Variants in PHF24 observed in about 807,000 individuals in gnomAD.
PHF24 encodes the protein Galpha inhibitory interacting protein.
PHF24 carries 25 observed loss-of-function variants against 42.6 expected under a neutral mutation model. The ratio of observed to expected loss-of-function variants is 0.59; its 90% CI spans 0.43 to 0.82. The LOEUF (loss-of-function observed/expected upper bound fraction) is 0.82, where lower values mean the gene tolerates loss of function less well. Among genes scored for constraint, PHF24 ranks in the 40% least tolerant of loss-of-function variants. PHF24 has a pLI of 0.00. For synonymous variants in PHF24, 185 were observed against 204.8 expected (o/e 0.90, Z 0.83); for missense variants, 470 against 538.1 (o/e 0.87, Z 1.25).
the PHF24 span, among the ~76,000 whole-genome samples, chr9:34,741,592 C>T: frequency 0.38 from 58,263 of 151,894 alleles, 13,242 homozygotes; most frequent in East Asian, 0.6. Context: ...GAACTCCCGA[C>T]CTCAGGTGAT....
the PHF24 span, among the ~76,000 whole-genome samples, chr9:34,866,912 A>G: frequency 6.6e-6 from 1 of 152,194 alleles, no homozygotes; most frequent in Non-Finnish European, 1.5e-5. Flanking sequence ...TCAGGAAAGC[A>G]TGGCCATCCT....
the PHF24 span, among the ~76,000 whole-genome samples, chr9:34,757,433 T>C: frequency 1.3e-5 from 2 of 152,136 alleles, no homozygotes; most frequent in Non-Finnish European, 2.9e-5. Context: ...CAGGGTATAG[T>C]TTGGGGTTTT....
At chr9:34,944,401 A>G in the PHF24 span, among the ~76,000 whole-genome samples, 1 of 152,180 alleles carries the variant, frequency 6.6e-6, no homozygotes, top group Non-Finnish European at 1.5e-5. Context: ...CAGGTCTATC[A>G]CTTCCTGGCC....
chr9:34,811,930 C>T, the PHF24 span, among the ~76,000 whole-genome samples: 5 of 152,206 alleles, frequency 3.3e-5, no homozygotes, highest in South Asian at 1.0e-3. Context: ...ATATAAAGAA[C>T]CCTACAACTC....
At chr9:34,875,948 ACACTCTCTCTCTCTCTCTCTCT>A in the PHF24 span, among the ~76,000 whole-genome samples, 1,853 of 79,934 alleles carry the variant, frequency 0.023, 20 homozygotes, top group Non-Finnish European at 0.032. Flanking sequence ...ACACACACAC[ACACTCTCTCTCTCTCTCTCTCT>A]CTCTCTCTCT....
chr9:34,838,558 T>G, the PHF24 span: 1 of 1,065,576 alleles, frequency 9.4e-7, no homozygotes, highest in South Asian at 1.5e-5. Flanking sequence ...TTCTGGTGCC[T>G]AATGACTCCC....
At chr9:34,927,720 T>C in the PHF24 span, among the ~76,000 whole-genome samples, 1 of 152,086 alleles carries the variant, frequency 6.6e-6, no homozygotes, top group Non-Finnish European at 1.5e-5. Flanking sequence ...CCCTCCTGGA[T>C]TTCTGATCAC....
chr9:34,783,418 C>A, the PHF24 span, among the ~76,000 whole-genome samples: 1 of 152,166 alleles, frequency 6.6e-6, no homozygotes, highest in Non-Finnish European at 1.5e-5. Context: ...CTTCACATCC[C>A]AAGACTTTGT....
the PHF24 span, among the ~76,000 whole-genome samples, chr9:34,923,375 T>A: frequency 6.6e-6 from 1 of 152,146 alleles, no homozygotes; most frequent in Non-Finnish European, 1.5e-5. Context: ...GGCCTTGTAT[T>A]TTTTGGAATA....
the PHF24 span, among the ~76,000 whole-genome samples, chr9:34,863,095 G>A: frequency 6.8e-4 from 104 of 152,096 alleles, no homozygotes; most frequent in Non-Finnish European, 1.0e-3. Flanking sequence ...TTGGGTGCCT[G>A]CTCAGCCACA....
the PHF24 span, among the ~76,000 whole-genome samples, chr9:34,832,068 T>G: frequency 2.0e-5 from 3 of 152,174 alleles, no homozygotes; most frequent in Non-Finnish European, 4.4e-5. Flanking sequence ...CCCTCACACC[T>G]TCCCTTAACA....
the PHF24 span, among the ~76,000 whole-genome samples, chr9:34,729,130 A>G: frequency 6.6e-6 from 1 of 152,220 alleles, no homozygotes; most frequent in Non-Finnish European, 1.5e-5. Flanking sequence ...AGGGCCTGGT[A>G]AGGAATTATA....
At chr9:34,825,575 G>T in the PHF24 span, among the ~76,000 whole-genome samples, 1 of 137,978 alleles carries the variant, frequency 7.2e-6, no homozygotes, top group Non-Finnish European at 1.5e-5. Context: ...GTGCATTTTT[G>T]ACTGTTTGCT....
At chr9:34,902,733 C>A in the PHF24 span, among the ~76,000 whole-genome samples, 6 of 152,056 alleles carry the variant, frequency 3.9e-5, no homozygotes, top group Admixed American at 3.9e-4. Context: ...TCCTTTTCAC[C>A]ATTTAAAATG....
At chr9:34,726,856 A>G in the PHF24 span, 1 of 1,551,806 alleles carries the variant, frequency 6.4e-7, no homozygotes, top group Admixed American at 2.0e-5. Flanking sequence ...GCCCCGATAA[A>G]GTCAGGGAGA....
At chr9:34,948,212 A>G in the PHF24 span, among the ~76,000 whole-genome samples, 1 of 147,112 alleles carries the variant, frequency 6.8e-6, no homozygotes, top group South Asian at 2.1e-4. Flanking sequence ...TTTCAAGCTA[A>G]ATGTTATTAC....
At chr9:34,795,751 C>A in the PHF24 span, among the ~76,000 whole-genome samples, 16 of 152,106 alleles carry the variant, frequency 1.1e-4, no homozygotes, top group Non-Finnish European at 2.9e-5. Context: ...AATCCCAGCA[C>A]TTTGGGAGTC....
At chr9:34,856,743 C>A in the PHF24 span, among the ~76,000 whole-genome samples, 1 of 152,222 alleles carries the variant, frequency 6.6e-6, no homozygotes, top group African/African-American at 2.4e-5. Context: ...GGAGGTCTCA[C>A]CCAGTCAGGA....
At chr9:34,727,035 T>G in the PHF24 span, 2 of 1,520,588 alleles carry the variant, frequency 1.3e-6, no homozygotes, top group Middle Eastern at 1.7e-4. Context: ...GACATCTGCC[T>G]TCTTGGAAGA....
Sources: allele counts gnomAD v4.1 joint callset (sites outside exome capture counted in the v4.1 genomes callset), GRCh38; gene constraint gnomAD v4.1.1; transcripts MANE v1.5; gene names NCBI Gene and HGNC (gene_info 2026-07-23, HGNC 2026-07-21).